NLRC3: variants seen among roughly 807,000 people sequenced by gnomAD.
NLRC3 encodes the protein NLR family CARD domain containing 3, also known as NLR family CARD domain-containing protein 3.
NLRC3 carries 87 observed loss-of-function variants against 91.6 expected under a neutral mutation model. The ratio of observed to expected loss-of-function variants is 0.95; its 90% confidence interval spans 0.80 to 1.14. The LOEUF (loss-of-function observed/expected upper bound fraction) is 1.14, where lower values mean the gene tolerates loss of function less well. Among genes scored for constraint, NLRC3 ranks in the 50% most tolerant of loss-of-function variants. NLRC3 has a pLI of 0.00. For missense variants in NLRC3, 1,577 were observed against 1,418.6 expected (o/e 1.11, Z -1.79); for synonymous variants, 694 against 625.3 (o/e 1.11, Z -1.64).
chr16:3,561,663 G>C (rs754828222), intron 6 of NLRC3, 39 bp downstream of exon 6: 2 of 1,411,888 alleles, frequency 1.4e-6, no homozygotes, highest in African/African-American at 1.4e-5. Context: ...TACCCCACAA[G>C]ACCATAGGCA....
rs938908207 is a variant in NLRC3 at position 3,540,886 on chromosome 16, C to T, written c.*939G>A. The T allele has an allele frequency of 1.3e-5, 2 of 152,146 alleles. No individual in the cohort carries two copies. The highest frequency in any genetic ancestry group is 3.9e-4 in the East Asian group (2 of 5,182). 9.4% of individuals were successfully genotyped at this position (152,146 alleles called of 1,614,324 possible). A position where few individuals can be genotyped will look rare whatever the true frequency, so the allele number is the denominator to read the frequency against. ...ACTCCAGACAACATGTGCCAGGCAT[C>T]ACCCATGTCTTTGATTTTGTAATAA... is the stretch of plus-strand genomic sequence containing the variant. On this transcript the variant is annotated 3_prime_UTR_variant, in exon 20 of 20. Coordinates refer to ENST00000359128, the MANE Select transcript of NLRC3 (RefSeq NM_178844.4).
intron 11 of NLRC3, 65 bp downstream of exon 11, chr16:3,550,349 T>G (rs1335520463): frequency 9.2e-7 from 1 of 1,092,812 alleles, no homozygotes; most frequent in Non-Finnish European, 1.4e-6. Context: ...TTTTCAGGAC[T>G]GCCGGCCCAC....
rs2151099143 is a variant in NLRC3, at chr16:3,563,061, G to A, written c.1876C>T (p.Gln626Ter). The A allele has an allele frequency of 6.4e-7, 1 of 1,563,346 alleles. No individual in the cohort carries two copies. Among genetic ancestry groups the A allele is most frequent in the Non-Finnish European group, 8.7e-7 (1 of 1,154,378 alleles). The change falls in exon 5 of 20, where the codon CAG (glutamine) becomes TAG (stop). Residue 626 changes from glutamine to a stop codon, truncating the protein, a stop_gained. Transcript: ENST00000359128. LOFTEE classifies it high-confidence loss of function. ...GGCAGCAGGCTCTGAAGGACGCCCT[G>A]GCTGAGGCTCAGGGACAGGTTGGCC... ...QEANLSLSLS[Q>*]GVLQSLLPQL...
At chr16:3,559,661 C>T (rs1351667344) in intron 6 of NLRC3, among the ~76,000 whole-genome samples, 5 of 136,818 alleles carry the variant, frequency 3.7e-5, no homozygotes, top group East Asian at 4.1e-4. Context: ...TTTTTTGAGA[C>T]GGGGTCTTGC....
At position 3,552,288 on chromosome 16, in the gene NLRC3, GA is replaced by G. The variant is rs772634893; in HGVS notation, c.2268-10del. ...TGCTGTTCTTCTGCAGGCTGTGGGA[GA>G]AAAGAGAGGGGTCCTTTAGAAAGGC... On this transcript the variant is annotated splice_polypyrimidine_tract_variant and intron_variant, in intron 9 of 19. Coordinates refer to ENST00000359128, the MANE Select transcript of NLRC3 (RefSeq NM_178844.4). The G allele has an allele frequency of 3.7e-6, 6 of 1,603,962 alleles. No homozygotes were observed. The East Asian group carries it at 1.3e-4, about 36-fold the overall frequency.
chr16:3,549,634 G>T, intron 12 of NLRC3, 63 bp downstream of exon 12: 1 of 1,244,226 alleles, frequency 8.0e-7, no homozygotes, highest in Non-Finnish European at 1.2e-6. Context: ...CCAGTGCCAA[G>T]TCCCTGCAGA....
At chr16:3,548,624 G>T in intron 14 of NLRC3, 46 bp downstream of exon 14, 1 of 1,377,924 alleles carries the variant, frequency 7.3e-7, no homozygotes, top group Non-Finnish European at 1.0e-6. Flanking sequence ...GAGCCCGGCA[G>T]CTCTGCAGAA....
In NLRC3 at chr16:3,549,715, T is replaced by G; in HGVS notation, c.2501A>C (p.Gln834Pro). The G allele has an allele frequency of 6.4e-7, 1 of 1,551,180 alleles. No individual in the cohort carries two copies. The highest frequency in any genetic ancestry group is 8.7e-7 in the Non-Finnish European group (1 of 1,146,698). ...AALMGALCTN[Q>P]TLLSLSLREN... The stretch of plus-strand genomic sequence containing the variant: ...GACTTACCTGAGGCTGAGGAGGGTC[T>G]GGTTGGTGCAGAGGGCCCCCATCAG... Residue 834 changes from glutamine to proline, a missense_variant, in exon 12 of 20, where the codon CAG becomes CCG. By Grantham distance (76) the Gln-to-Pro change is moderately conservative. Transcript: ENST00000359128.
At chr16:3,561,090 G>A (rs966960447) in intron 6 of NLRC3, among the ~76,000 whole-genome samples, 2 of 151,530 alleles carry the variant, frequency 1.3e-5, no homozygotes, top group Non-Finnish European at 2.9e-5. Context: ...AGTAGCTCAC[G>A]CCAGTAATCC....
Position 3,542,222 on chromosome 16 carries a change from G to T in NLRC3, c.3076C>A (p.Leu1026Met). 1 of 1,593,614 alleles carries T rather than the reference G, an allele frequency of 6.3e-7. No individual in the cohort carries two copies. Among genetic ancestry groups the T allele is most frequent in the Non-Finnish European group, 8.5e-7 (1 of 1,169,778 alleles). The change falls in exon 19 of 20, where the codon CTG becomes ATG. Residue 1026 changes from leucine (L) to methionine (M), a missense_variant. Leu to Met is a conservative substitution (Grantham distance 15, BLOSUM62 2). Transcript: ENST00000359128. ...TGCTGGAGCCTGTGGTTTCCAGACA[G>T]TGCTGTGGCAATGCATATCGCCCCG... ...MDGAICIATA[L>M]SGNHRLQHIN... is the part of the protein sequence containing the mutation.
chr16:3,548,667 C>T lies in NLRC3; in HGVS notation c.2687+3G>A. 6.4e-7 allele frequency: 1 copy of T among 1,573,660 alleles called. No individual in the cohort carries two copies. The highest frequency in any genetic ancestry group is 1.3e-5 in the African/African-American group (1 of 74,308). ...AGAGCAGGGTGGAGAGCTGCAGACTCACTGAAGGGAGGTGAGGGTGCGGTT... is the reference window on the plus strand; with the variant it reads ...AGAGCAGGGTGGAGAGCTGCAGACTTACTGAAGGGAGGTGAGGGTGCGGTT... On this transcript the variant is annotated splice_donor_region_variant and intron_variant, in intron 14 of 19. Coordinates refer to ENST00000359128, the MANE Select transcript of NLRC3 (RefSeq NM_178844.4).
At chr16:3,545,841 C>T (rs1378044057) in intron 15 of NLRC3, 1 of 152,230 alleles carries the variant, frequency 6.6e-6, no homozygotes, top group Admixed American at 6.5e-5. Flanking sequence ...TTTTAGGGGT[C>T]CCAGAAGCCA....
intron 1 of NLRC3, among the ~76,000 whole-genome samples, chr16:3,570,648 T>A (rs1248207166): frequency 6.6e-6 from 1 of 152,092 alleles, no homozygotes; most frequent in Non-Finnish European, 1.5e-5. Context: ...GAGAAAAAGC[T>A]ACCTAGGAGT....
intron 1 of NLRC3, 59 bp downstream of exon 1, chr16:3,577,090 C>T: frequency 1.4e-6 from 1 of 703,024 alleles, no homozygotes; most frequent in Non-Finnish European, 2.6e-6. Context: ...ACTGTCCTTC[C>T]TGCCAGCATC....
chr16:3,561,374 A>G (rs1297614122), intron 6 of NLRC3, among the ~76,000 whole-genome samples: 2 of 152,148 alleles, frequency 1.3e-5, no homozygotes, highest in Non-Finnish European at 2.9e-5. Flanking sequence ...TGTGCCTAGA[A>G]TGCTGTTGGA....
intron 1 of NLRC3, among the ~76,000 whole-genome samples, chr16:3,572,890 G>A (rs746505497): frequency 3.3e-5 from 5 of 151,548 alleles, no homozygotes; most frequent in Non-Finnish European, 7.4e-5. Flanking sequence ...GTGGGTGACC[G>A]TAATCCCAGC....
chr16:3,561,807 G>C lies in NLRC3; in HGVS notation c.1929-19C>G, dbSNP rs1015610998. The C allele has an allele frequency of 1.9e-6, 3 of 1,592,654 alleles. No homozygotes were observed. On this transcript the variant is annotated intron_variant, in intron 5 of 19. Coordinates refer to ENST00000359128, the MANE Select transcript of NLRC3 (RefSeq NM_178844.4). Reference sequence around the variant, plus strand: ...GTCCAGCCTGGCCAAGGGGAGCAGTGACAGTGAGTGTCCCACCCGCCCACG... The same window carrying C: ...GTCCAGCCTGGCCAAGGGGAGCAGTCACAGTGAGTGTCCCACCCGCCCACG...
At chr16:3,572,441 C>T (rs2040132514) in intron 1 of NLRC3, among the ~76,000 whole-genome samples, 1 of 152,162 alleles carries the variant, frequency 6.6e-6, no homozygotes, top group Admixed American at 6.5e-5. Flanking sequence ...GCGCATGCTA[C>T]CACATCCAGC....
At chr16:3,544,148 ACT>A in intron 16 of NLRC3, 96 bp downstream of exon 16, 1 of 719,484 alleles carries the variant, frequency 1.4e-6, no homozygotes, top group Non-Finnish European at 2.4e-6. Flanking sequence ...GCAGAGCAAG[ACT>A]CTTGTCTCGA....
Sources: gnomAD v4.1 joint callset for allele counts (sites outside exome capture counted in the v4.1 genomes callset) on GRCh38, gnomAD v4.1.1 for gene constraint, MANE v1.5 for transcripts, NCBI Gene and HGNC (gene_info 2026-07-23, HGNC 2026-07-21) for gene names.